KCNK13: variants seen among roughly 807,000 people sequenced by gnomAD.
KCNK13 encodes the protein potassium channel subfamily K member 13.
In KCNK13, 12 loss-of-function variants were observed where a neutral mutation model predicts 23.4. The ratio of observed to expected loss-of-function variants is 0.51; its 90% confidence interval spans 0.33 to 0.83. The LOEUF is 0.83. KCNK13 is among the 40% of genes least tolerant of loss of function. The pLI is 0.02. For synonymous variants in KCNK13, 231 were observed against 229.5 expected (o/e 1.01, Z -0.06); for missense variants, 463 against 556.3 (o/e 0.83, Z 1.69).
intron 1 of KCNK13, among the ~76,000 whole-genome samples, chr14:90,083,774 C>T (rs1283512225): frequency 6.6e-6 from 1 of 152,162 alleles, no homozygotes; most frequent in African/African-American, 2.4e-5. Flanking sequence ...TGTAAATTGC[C>T]CAGTCTGCGG....
intron 1 of KCNK13, among the ~76,000 whole-genome samples, chr14:90,082,201 A>G (rs1392656485): frequency 6.6e-6 from 1 of 151,324 alleles, no homozygotes; most frequent in African/African-American, 2.4e-5. Context: ...AGCTGGGACT[A>G]TAGGCATATG....
chr14:90,165,046 C>A (rs1326202678), intron 1 of KCNK13, among the ~76,000 whole-genome samples: 1 of 152,186 alleles, frequency 6.6e-6, no homozygotes, highest in Non-Finnish European at 1.5e-5. Flanking sequence ...AAAGGGGAAG[C>A]AAGACATGTC....
At chr14:90,132,559 A>AG (rs60298446) in intron 1 of KCNK13, among the ~76,000 whole-genome samples, 1 of 149,974 alleles carries the variant, frequency 6.7e-6, no homozygotes, top group Non-Finnish European at 1.5e-5. Context: ...AAAAAAAAAA[A>AG]GAAAGAAAGA....
intron 1 of KCNK13, among the ~76,000 whole-genome samples, chr14:90,143,716 G>T (rs1390148522): frequency 6.6e-6 from 1 of 152,166 alleles, no homozygotes; most frequent in Non-Finnish European, 1.5e-5. Flanking sequence ...AGACTCTGGG[G>T]CTGCTATGTG....
At chr14:90,074,610 T>C (rs887753220) in intron 1 of KCNK13, among the ~76,000 whole-genome samples, 2 of 152,258 alleles carry the variant, frequency 1.3e-5, no homozygotes, top group Non-Finnish European at 2.9e-5. Context: ...CACATAGTGA[T>C]TTGAGAATAT....
intron 1 of KCNK13, among the ~76,000 whole-genome samples, chr14:90,104,547 C>A (rs1310142090): frequency 1.3e-5 from 2 of 152,114 alleles, no homozygotes; most frequent in African/African-American, 4.8e-5. Flanking sequence ...ATAATAGTAT[C>A]TTTTTTATGT....
intron 1 of KCNK13, among the ~76,000 whole-genome samples, chr14:90,123,027 A>G (rs981631661): frequency 6.6e-6 from 1 of 152,198 alleles, no homozygotes; most frequent in African/African-American, 2.4e-5. Flanking sequence ...GAGCTGGGAC[A>G]TAAGCCCAGG....
intron 1 of KCNK13, among the ~76,000 whole-genome samples, chr14:90,116,752 T>C (rs76052189): frequency 3.9e-4 from 60 of 152,348 alleles, no homozygotes; most frequent in African/African-American, 1.4e-3. Context: ...GTGTCACAAC[T>C]GCTCAGGAAA....
At chr14:90,098,438 T>C (rs1387200510) in intron 1 of KCNK13, among the ~76,000 whole-genome samples, 3 of 152,182 alleles carry the variant, frequency 2.0e-5, no homozygotes, top group Non-Finnish European at 4.4e-5. Context: ...AAAGTCCTTC[T>C]GGAGACCATG....
intron 1 of KCNK13, among the ~76,000 whole-genome samples, chr14:90,167,072 T>C (rs1048613755): frequency 6.6e-6 from 1 of 152,186 alleles, no homozygotes; most frequent in Non-Finnish European, 1.5e-5. Context: ...TTCAGATTTC[T>C]CAAGTGTAAA....
intron 1 of KCNK13, among the ~76,000 whole-genome samples, chr14:90,181,968 C>A (rs1890492922): frequency 6.6e-6 from 1 of 152,152 alleles, no homozygotes. Flanking sequence ...ATTGAGCCTC[C>A]ACTGCCAAGA....
At chr14:90,073,245 G>A (rs1889096693) in intron 1 of KCNK13, among the ~76,000 whole-genome samples, 1 of 152,130 alleles carries the variant, frequency 6.6e-6, no homozygotes, top group Non-Finnish European at 1.5e-5. Context: ...CTCAGGGGAG[G>A]CTGATGATGT....
At chr14:90,155,978 C>T (rs900453536) in intron 1 of KCNK13, among the ~76,000 whole-genome samples, 4 of 152,034 alleles carry the variant, frequency 2.6e-5, no homozygotes, top group African/African-American at 9.7e-5. Context: ...CCGAGGCAGG[C>T]AGATCACTTG....
intron 1 of KCNK13, among the ~76,000 whole-genome samples, chr14:90,171,828 A>T (rs1420721725): frequency 6.6e-6 from 1 of 152,232 alleles, no homozygotes; most frequent in Non-Finnish European, 1.5e-5. Flanking sequence ...TGACCTGAGC[A>T]GTTCCCAACT....
intron 1 of KCNK13, among the ~76,000 whole-genome samples, chr14:90,141,797 G>GGAT (rs1555352009): frequency 6.9e-6 from 1 of 145,650 alleles, no homozygotes; most frequent in Non-Finnish European, 1.5e-5. Flanking sequence ...TGTTTTTTGG[G>GGAT]GGGGGGGACG....
At chr14:90,133,982 C>T (rs866906046) in intron 1 of KCNK13, among the ~76,000 whole-genome samples, 8 of 152,254 alleles carry the variant, frequency 5.3e-5, no homozygotes, top group African/African-American at 1.7e-4. Flanking sequence ...TACCTCGGGT[C>T]GGGCACCAAT....
chr14:90,175,846 T>A (rs1414096297), intron 1 of KCNK13, among the ~76,000 whole-genome samples: 1 of 152,160 alleles, frequency 6.6e-6, no homozygotes, highest in Non-Finnish European at 1.5e-5. Context: ...CTTTACTCAG[T>A]ACCTGGCACT....
chr14:90,074,765 C>T (rs1335797022), intron 1 of KCNK13, among the ~76,000 whole-genome samples: 1 of 152,180 alleles, frequency 6.6e-6, no homozygotes, highest in Non-Finnish European at 1.5e-5. Context: ...AGAAGACACA[C>T]CCAAAATGGC....
intron 1 of KCNK13, among the ~76,000 whole-genome samples, chr14:90,147,864 C>T (rs1475311795): frequency 6.6e-6 from 1 of 152,074 alleles, no homozygotes. Flanking sequence ...CTGCTTTTAC[C>T]ACTCATAAGT....
Sources: gnomAD v4.1 joint callset for allele counts (sites outside exome capture counted in the v4.1 genomes callset) on GRCh38, gnomAD v4.1.1 for gene constraint, MANE v1.5 for transcripts, NCBI Gene and HGNC (gene_info 2026-07-23, HGNC 2026-07-21) for gene names.